The following FRY variants were observed in gnomAD, a reference collection of about 807,000 sequenced individuals.
FRY encodes the protein protein furry homolog.
In FRY, 128 loss-of-function variants were observed where a neutral mutation model predicts 348.4. That is an observed-to-expected ratio of 0.37 (90% confidence interval 0.32 to 0.43). The LOEUF (loss-of-function observed/expected upper bound fraction) is 0.43, where lower values mean the gene tolerates loss of function less well. Among genes scored for constraint, FRY ranks in the 20% least tolerant of loss-of-function variants. The pLI, the probability that FRY is intolerant of heterozygous loss-of-function variation, is 1.00. For missense variants in FRY, 2,736 were observed against 3,695.2 expected (o/e 0.74, Z 6.73); for synonymous variants, 1,370 against 1,374.7 (o/e 1.00, Z 0.08).
At chr13:32,208,767 T>C (rs1884505194) in intron 31 of FRY, 86 bp from the exon 32 acceptor site, 1 of 1,484,620 alleles carries the variant, frequency 6.7e-7, no homozygotes, top group Non-Finnish European at 9.4e-7. Flanking sequence ...TAGGACACTG[T>C]TCAGTCTGCA....
At chr13:32,037,107 TTTGAA>T (rs1180876857) in intron 1 of FRY, among the ~76,000 whole-genome samples, 1 of 151,622 alleles carries the variant, frequency 6.6e-6, no homozygotes, top group Non-Finnish European at 1.5e-5. Flanking sequence ...CATAGGCCTA[TTTGAA>T]AGACCTTAAG....
intron 50 of FRY, 187 bp from the exon 51 acceptor site, chr13:32,254,037 C>G: frequency 4.7e-6 from 3 of 632,918 alleles, no homozygotes; most frequent in Non-Finnish European, 8.5e-6. Context: ...GAACTTGCGT[C>G]TTTGCCACGA....
intron 1 of FRY, among the ~76,000 whole-genome samples, chr13:32,040,217 A>G (rs1173745432): frequency 1.3e-5 from 2 of 152,204 alleles, no homozygotes; most frequent in Non-Finnish European, 2.9e-5. Context: ...GATTTGGCCA[A>G]TCAATAAGAT....
chr13:32,069,497 C>G (rs151214002), intron 1 of FRY, among the ~76,000 whole-genome samples: 2 of 152,258 alleles, frequency 1.3e-5, no homozygotes, highest in Non-Finnish European at 2.9e-5. Flanking sequence ...ACATAGGCAG[C>G]TGATTTGTTT....
Position 32,224,346 on chromosome 13 carries a change from A to G in FRY, c.4877A>G (p.Tyr1626Cys), listed in dbSNP as rs1209718801. 8.7e-6 allele frequency: 14 copies of G among 1,613,804 alleles called. No individual in the cohort carries two copies. The highest frequency in any genetic ancestry group is 1.2e-5 in the Non-Finnish European group (14 of 1,179,956). The change falls in exon 37 of 61, where the codon TAT (tyrosine) becomes TGT (cysteine). Residue 1626 changes from tyrosine to cysteine, a missense_variant. Tyr to Cys is a radical substitution (Grantham distance 194). Transcript: ENST00000542859. ...GGATGCTGGGCCCCCCTGGTTGACT[A>G]TCTCCCGGAGACCATCACTCCCCGG... ...TGGCWAPLVD[Y>C]LPETITPRGP...
Position 32,069,241 on chromosome 13 carries a change from C to G in FRY, c.71-9593C>G, listed in dbSNP as rs1393181048. 3.9e-5 allele frequency among the ~76,000 whole-genome samples: 6 copies of G among 152,232 alleles called. No homozygotes were observed. In the East Asian group the frequency reaches 7.7e-4, roughly 20 times the overall value. On this transcript the variant is annotated intron_variant, in intron 1 of 60. Coordinates refer to ENST00000542859, the MANE Select transcript of FRY (RefSeq NM_023037.3). ...ATATGTTCAATTCTTTTTCGTACTC[C>G]TAGCCTTTCCCAAAGTCCCTCTAAC...
chr13:32,232,812 C>A lies in FRY; in HGVS notation c.5527+1512C>A, dbSNP rs79850817. Among the ~76,000 whole-genome samples, 506 of 152,266 alleles carry A rather than the reference C, an allele frequency of 3.3e-3. 3 individuals are homozygous for A. Among genetic ancestry groups the A allele is most frequent in the African/African-American group, 0.012 (487 of 41,552 alleles). On this transcript the variant is annotated intron_variant, in intron 41 of 60. Transcript: ENST00000542859. Reference sequence around the variant, plus strand: ...CTGTGTGGCTGGAAAGAAAAAGAAACCTTTTCCTTTTCTCAAAGGACACTG... The same window carrying A: ...CTGTGTGGCTGGAAAGAAAAAGAAAACTTTTCCTTTTCTCAAAGGACACTG...
At chr13:32,201,590 C>T (rs1217082453) in intron 29 of FRY, among the ~76,000 whole-genome samples, 1 of 149,512 alleles carries the variant, frequency 6.7e-6, no homozygotes, top group African/African-American at 2.5e-5. Flanking sequence ...TACATGTATC[C>T]TTTTCTGTCT....
chr13:32,074,521 C>G (rs113768843), intron 1 of FRY, among the ~76,000 whole-genome samples: 1 of 152,026 alleles, frequency 6.6e-6, no homozygotes, highest in South Asian at 2.1e-4. Context: ...TGTTATATGA[C>G]GATAGAAAGG....
In FRY at chr13:32,295,482, G is replaced by A. The variant is rs773009798; in HGVS notation, c.*22G>A. ...CTGACAGGAGCCTCCTGTCCCCACT[G>A]GGTTCCAAACTGGCAGTGCTGCCAT... On this transcript the variant is annotated 3_prime_UTR_variant, in exon 61 of 61. Transcript: ENST00000542859. The A allele has an allele frequency of 1.2e-5, 19 of 1,607,436 alleles. No individual in the cohort carries two copies. The East Asian group carries it at 4.0e-4, about 34-fold the overall frequency.
chr13:32,232,628 C>G (rs1885981038), intron 41 of FRY, among the ~76,000 whole-genome samples: 2 of 152,290 alleles, frequency 1.3e-5, no homozygotes, highest in Middle Eastern at 3.4e-3. Flanking sequence ...ATCCAGCCAG[C>G]AGGTGGAAGA....
intron 53 of FRY, among the ~76,000 whole-genome samples, chr13:32,262,960 C>T (rs1169889557): frequency 6.6e-6 from 1 of 152,242 alleles, no homozygotes; most frequent in Non-Finnish European, 1.5e-5. Flanking sequence ...ATGTCAATCA[C>T]AGTCTTATGC....
intron 55 of FRY, among the ~76,000 whole-genome samples, chr13:32,274,526 A>G (rs112445413): frequency 0.016 from 2,368 of 151,834 alleles, 66 homozygotes; most frequent in African/African-American, 0.053. Flanking sequence ...AACACAGTGA[A>G]ACCCCGTCTC....
rs529902358 is a variant in FRY, at chr13:32,114,919, A to T, written c.325-2415A>T. Among the ~76,000 whole-genome samples, 4 of 152,304 alleles carry T rather than the reference A, an allele frequency of 2.6e-5. No individual in the cohort carries two copies. The South Asian group carries it at 8.3e-4, about 32-fold the overall frequency. On this transcript the variant is annotated intron_variant, in intron 3 of 60. Coordinates refer to ENST00000542859, the MANE Select transcript of FRY (RefSeq NM_023037.3). ...CAGGAAAAATATGTCTTGGCTGTGG[A>T]TTTCACTAGAGTCAAGGGAAGGGTG...
In FRY at chr13:32,224,932, G is replaced by A; in HGVS notation, c.4917-1G>A. On this transcript the variant is annotated splice_acceptor_variant, in intron 37 of 60. Coordinates refer to ENST00000542859, the MANE Select transcript of FRY (RefSeq NM_023037.3). LOFTEE classifies it high-confidence loss of function. ...ATTAATTTCATTATTTCATTGATTA[G>A]GTGCAATATTGCTGTAATTTTTATG... The A allele has an allele frequency of 1.3e-6, 2 of 1,555,402 alleles. No individual in the cohort carries two copies. Among genetic ancestry groups the A allele is most frequent in the Non-Finnish European group, 1.8e-6 (2 of 1,126,388 alleles).
intron 2 of FRY, among the ~76,000 whole-genome samples, chr13:32,088,897 T>G (rs567091861): frequency 6.6e-6 from 1 of 152,344 alleles, no homozygotes; most frequent in South Asian, 2.1e-4. Flanking sequence ...TTCGGTCTAG[T>G]TTTTCTGATG....
In FRY at chr13:32,265,636, A is replaced by G; in HGVS notation, c.7946+20A>G. 1 of 1,611,266 alleles carries G rather than the reference A, an allele frequency of 6.2e-7. No homozygotes were observed. The highest frequency in any genetic ancestry group is 8.5e-7 in the Non-Finnish European group (1 of 1,178,168). ...GGCGAGGTAATGGAGCCCTTGGCTG[A>G]TGTGAGTGGTGTGAATGTGCATGGT... On this transcript the variant is annotated intron_variant, in intron 54 of 60. Coordinates refer to ENST00000542859, the MANE Select transcript of FRY (RefSeq NM_023037.3).
In FRY at chr13:32,224,978, C is replaced by G; in HGVS notation, c.4962C>G (p.His1654Gln). 1 of 1,611,722 alleles carries G rather than the reference C, an allele frequency of 6.2e-7. No homozygotes were observed. Residue 1654 changes from histidine (H) to glutamine (Q), a missense_variant, in exon 38 of 61, where the codon CAC becomes CAG. His to Gln is a conservative substitution (Grantham distance 24). Around this residue, in one of 9 missense-constraint regions of FRY, gnomAD observed 794 missense variants for 977.0 expected, o/e 0.81. Transcript: ENST00000542859. Reference protein sequence around the residue: ...VIFMTEMVVDHSVREDWALHL... With the variant: ...VIFMTEMVVDQSVREDWALHL... ...TTATGACTGAAATGGTGGTGGATCA[C>G]AGTGTACGAGAAGACTGGGCGCTTC... is the stretch of plus-strand genomic sequence containing the variant.
intron 58 of FRY, among the ~76,000 whole-genome samples, chr13:32,285,793 C>T (rs1041713998): frequency 2.0e-5 from 3 of 152,194 alleles, no homozygotes; most frequent in African/African-American, 4.8e-5. Flanking sequence ...AAAAAGTCTT[C>T]GCACTGGAAA....
Sources: gnomAD v4.1 joint callset for allele counts (sites outside exome capture counted in the v4.1 genomes callset) on GRCh38, gnomAD v4.1.1 for gene constraint, gnomAD v4.1.1 regional missense constraint, MANE v1.5 for transcripts, NCBI Gene and HGNC (gene_info 2026-07-23, HGNC 2026-07-21) for gene names.